SNX19: variants seen among roughly 807,000 people sequenced by gnomAD.
The protein encoded by SNX19 is sorting nexin 19, also known as sorting nexin-19.
Under a neutral mutation model 85.2 loss-of-function variants are expected in SNX19, and 60 were observed. The ratio of observed to expected loss-of-function variants is 0.70; its 90% CI spans 0.57 to 0.87. SNX19 has a LOEUF of 0.87. Among genes scored for constraint, SNX19 ranks in the 40% least tolerant of loss-of-function variants. The pLI is 0.00. For missense variants in SNX19, 1,201 were observed against 1,217.8 expected, an observed-to-expected ratio of 0.99 and a Z score of 0.21; for synonymous variants, 520 against 470.0, an observed-to-expected ratio of 1.11 and a Z score of -1.38.
At chr11:130,889,232 C>G (rs1944315237) in intron 8 of SNX19, among the ~76,000 whole-genome samples, 1 of 151,988 alleles carries the variant, frequency 6.6e-6, no homozygotes, top group Admixed American at 6.6e-5. Flanking sequence ...TGTGTCCCCT[C>G]TTTCTGTTTT....
rs1259411355 is a variant in SNX19 at position 130,872,044 on chromosome 11, C to T, written c.*6378G>A. On this transcript the variant is annotated 3_prime_UTR_variant, in exon 11 of 11. Coordinates refer to ENST00000265909, the MANE Select transcript of SNX19 (RefSeq NM_014758.3). ...TTTTAATTCTCCCCTCCTAAGCTTCCACATCCCAGAGATGGTGTGCTGGGG... is the reference window on the plus strand; with the variant it reads ...TTTTAATTCTCCCCTCCTAAGCTTCTACATCCCAGAGATGGTGTGCTGGGG... Among the ~76,000 whole-genome samples the T allele has an allele frequency of 1.3e-5, 2 of 151,940 alleles. No individual in the cohort carries two copies. Among genetic ancestry groups the T allele is most frequent in the Non-Finnish European group, 2.9e-5 (2 of 67,998 alleles).
intron 7 of SNX19, among the ~76,000 whole-genome samples, chr11:130,905,026 T>C (rs774429220): frequency 6.6e-6 from 1 of 152,340 alleles, no homozygotes; most frequent in Non-Finnish European, 1.5e-5. Context: ...TCAGAAAGAA[T>C]AGTGAAATCA....
intron 8 of SNX19, among the ~76,000 whole-genome samples, chr11:130,900,532 G>C (rs1392369197): frequency 6.6e-6 from 1 of 152,044 alleles, no homozygotes; most frequent in African/African-American, 2.4e-5. Context: ...CCAGAATATA[G>C]GTATTTCTCC....
Position 130,915,982 on chromosome 11 carries a change from G to A in SNX19, c.-43C>T. ...GGCTTCCCCAGATGACAGCCCTCAAGATTTTACTTCAGAGTTAGGGAAGGG... is the reference window on the plus strand; with the variant it reads ...GGCTTCCCCAGATGACAGCCCTCAAAATTTTACTTCAGAGTTAGGGAAGGG... On this transcript the variant is annotated 5_prime_UTR_variant, in exon 1 of 11. Coordinates refer to ENST00000265909, the MANE Select transcript of SNX19 (RefSeq NM_014758.3). The A allele has an allele frequency of 6.4e-7, 1 of 1,551,552 alleles. No homozygotes were observed. Among genetic ancestry groups the A allele is most frequent in the Non-Finnish European group, 8.8e-7 (1 of 1,138,530 alleles).
At chr11:130,879,054 T>G (rs1468366893) in intron 10 of SNX19, among the ~76,000 whole-genome samples, 1 of 152,224 alleles carries the variant, frequency 6.6e-6, no homozygotes, top group Non-Finnish European at 1.5e-5. Context: ...AGGGATGGAA[T>G]CTACCTCTTC....
intron 7 of SNX19, among the ~76,000 whole-genome samples, chr11:130,903,708 T>C (rs1226878442): frequency 1.7e-5 from 2 of 119,628 alleles, no homozygotes; most frequent in African/African-American, 6.3e-5. Context: ...TATATATATA[T>C]ATACACATAC....
At chr11:130,898,862 C>T (rs545425788) in intron 8 of SNX19, among the ~76,000 whole-genome samples, 42 of 152,254 alleles carry the variant, frequency 2.8e-4, no homozygotes, top group African/African-American at 9.6e-4. Context: ...CTGATAATCT[C>T]CAGTACTTGG....
intron 6 of SNX19, 42 bp from the exon 7 acceptor site, chr11:130,906,175 A>G: frequency 1.9e-6 from 3 of 1,589,862 alleles, no homozygotes; most frequent in Non-Finnish European, 2.6e-6. Context: ...GAATGCTGAC[A>G]GTAGGGGAGC....
At chr11:130,905,789 T>C in intron 7 of SNX19, 164 bp downstream of exon 7, 1 of 1,539,284 alleles carries the variant, frequency 6.5e-7, no homozygotes, top group African/African-American at 1.4e-5. Flanking sequence ...TATGTACTAC[T>C]CATCTCTGTG....
At chr11:130,907,258 C>T (rs556631968) in intron 5 of SNX19, among the ~76,000 whole-genome samples, 43 of 152,284 alleles carry the variant, frequency 2.8e-4, no homozygotes, top group African/African-American at 9.9e-4. Flanking sequence ...AATATATGGG[C>T]CCAGTTAAGA....
chr11:130,881,708 A>G (rs1943693153), intron 8 of SNX19, among the ~76,000 whole-genome samples: 1 of 152,230 alleles, frequency 6.6e-6, no homozygotes, highest in South Asian at 2.1e-4. Context: ...GCAAGTCTCA[A>G]GTCTGCCCTT....
chr11:130,914,380 G>C lies in SNX19; in HGVS notation c.1560C>G (p.Pro520=), dbSNP rs1487825817. The change falls in exon 1 of 11, where the codon CCC becomes CCG. Residue 520 remains proline, a synonymous_variant. Transcript: ENST00000265909. ...TAACTGGACCATCGGGACTGCTTAG[G>C]GGCTCAAAGCTGAAGGTGGCTGAGC... ...PLSSATFSFE[P]LSSPDGPVII... 1 of 1,613,910 alleles carries C rather than the reference G, an allele frequency of 6.2e-7. No homozygotes were observed. The highest frequency in any genetic ancestry group is 8.5e-7 in the Non-Finnish European group (1 of 1,179,858).
At position 130,877,326 on chromosome 11, in the gene SNX19, TC is replaced by T. The variant is rs534086402; in HGVS notation, c.*1095del. 3.9e-5 allele frequency: 6 copies of T among 152,356 alleles called. No homozygotes were observed. Among genetic ancestry groups the T allele is most frequent in the African/African-American group, 1.4e-4 (6 of 41,582 alleles). The allele number at this position is 152,356 out of a possible 1,614,324, so 9.4% of individuals were successfully genotyped here. ...CTTGCCTTTCTAATAGATGTTGCAG[TC>T]TGACAAAACACCTTTGCCTTCATGC... On this transcript the variant is annotated 3_prime_UTR_variant, in exon 11 of 11. Coordinates refer to ENST00000265909, the MANE Select transcript of SNX19 (RefSeq NM_014758.3).
intron 8 of SNX19, chr11:130,901,885 G>A (rs915922971): frequency 2.0e-5 from 3 of 152,108 alleles, no homozygotes; most frequent in Admixed American, 1.3e-4. Flanking sequence ...GTAGGTAATA[G>A]GATACTACTG....
intron 8 of SNX19, chr11:130,893,028 A>G (rs1944603166): frequency 6.6e-6 from 1 of 152,300 alleles, no homozygotes; most frequent in Non-Finnish European, 1.5e-5. Context: ...GAAGAAAGGC[A>G]AGACACAAAA....
chr11:130,874,154 G>T lies in SNX19; in HGVS notation c.*4268C>A, dbSNP rs1277432587. Among the ~76,000 whole-genome samples the T allele has an allele frequency of 6.6e-6, 1 of 151,824 alleles. No individual in the cohort carries two copies. Among genetic ancestry groups the T allele is most frequent in the Non-Finnish European group, 1.5e-5 (1 of 67,954 alleles). On this transcript the variant is annotated 3_prime_UTR_variant, in exon 11 of 11. Coordinates refer to ENST00000265909, the MANE Select transcript of SNX19 (RefSeq NM_014758.3). Reference sequence around the variant, plus strand: ...CCTCCTGCCTCAGCCTCCCTAGTAGGTGGAACCACAGGCGAGAGCCACCAT... The same window carrying T: ...CCTCCTGCCTCAGCCTCCCTAGTAGTTGGAACCACAGGCGAGAGCCACCAT...
At chr11:130,878,620 C>A in intron 10 of SNX19, 66 bp from the exon 11 acceptor site, 1 of 1,548,274 alleles carries the variant, frequency 6.5e-7, no homozygotes, top group Non-Finnish European at 8.8e-7. Context: ...CTGTTTATGA[C>A]ATTTATTTTC....
intron 8 of SNX19, among the ~76,000 whole-genome samples, chr11:130,885,933 C>A (rs114617126): frequency 6.6e-6 from 1 of 152,148 alleles, no homozygotes; most frequent in Non-Finnish European, 1.5e-5. Context: ...TTTTGGACTG[C>A]GAAATCTTTG....
chr11:130,906,109 C>T lies in SNX19; in HGVS notation c.2287G>A (p.Ala763Thr), dbSNP rs765092250. ...NVESETLSMS[A>T]MESFIEKQTK... ...TGTTTTTCAATAAAAGATTCCATCG[C>T]AGACATGGATAGAGTCTCAGACTCC... Residue 763 changes from alanine (A) to threonine (T), a missense_variant, in exon 7 of 11, where the codon GCG becomes ACG. Physicochemically the swap from Ala to Thr is moderately conservative, Grantham distance 58 (BLOSUM62 0). This residue lies in a region of SNX19 where 285 missense variants were observed against 295.3 expected (regional missense o/e 0.97). Coordinates refer to ENST00000265909, the MANE Select transcript of SNX19 (RefSeq NM_014758.3). The T allele has an allele frequency of 1.9e-6, 3 of 1,613,992 alleles. No homozygotes were observed. Among genetic ancestry groups the T allele is most frequent in the Admixed American group, 3.3e-5 (2 of 60,018 alleles).
Sources: allele counts gnomAD v4.1 joint callset (sites outside exome capture counted in the v4.1 genomes callset), GRCh38; gene constraint gnomAD v4.1.1; regional missense constraint gnomAD v4.1.1; transcripts MANE v1.5; gene names NCBI Gene and HGNC (gene_info 2026-07-23, HGNC 2026-07-21).